The following PCDH15 variants were observed in gnomAD, a reference collection of about 807,000 sequenced individuals.
PCDH15 encodes the protein protocadherin-15.
In PCDH15, 129 loss-of-function variants were observed where a neutral mutation model predicts 178.5. That is an observed-to-expected ratio of 0.72 (90% CI 0.63 to 0.84). The LOEUF is 0.84. Ranked by LOEUF, PCDH15 falls within the 40% of genes least tolerant of loss-of-function variation. The pLI is 0.00. For synonymous variants in PCDH15, 800 were observed against 732.0 expected, an observed-to-expected ratio of 1.09 and a Z score of -1.50; for missense variants, 2,230 against 2,099.9, an observed-to-expected ratio of 1.06 and a Z score of -1.21.
chr10:54,428,950 G>T (rs1445551446), intron 3 of PCDH15, among the ~76,000 whole-genome samples: 1 of 152,152 alleles, frequency 6.6e-6, no homozygotes, highest in Non-Finnish European at 1.5e-5. Flanking sequence ...CAAAGAAAAG[G>T]TTGTTAGTGA....
At chr10:54,525,177 C>T (rs2083257199) in intron 3 of PCDH15, among the ~76,000 whole-genome samples, 1 of 152,150 alleles carries the variant, frequency 6.6e-6, no homozygotes, top group African/African-American at 2.4e-5. Flanking sequence ...TATTTAGATG[C>T]TTTGCTTTAG....
chr10:53,920,595 A>G (rs2083915089), intron 25 of PCDH15, among the ~76,000 whole-genome samples: 1 of 152,130 alleles, frequency 6.6e-6, no homozygotes, highest in Non-Finnish European at 1.5e-5. Flanking sequence ...GACTAGAAGT[A>G]GAGCGGAAAC....
chr10:55,139,051 G>A (rs1003938964), intron 2 of PCDH15, among the ~76,000 whole-genome samples: 3 of 151,866 alleles, frequency 2.0e-5, no homozygotes, highest in African/African-American at 7.2e-5. Context: ...TGTGATTTTA[G>A]TTGGCACTTC....
intron 7 of PCDH15, among the ~76,000 whole-genome samples, chr10:54,318,194 A>G (rs2061395827): frequency 6.6e-6 from 1 of 152,156 alleles, no homozygotes; most frequent in East Asian, 1.9e-4. Flanking sequence ...CGTATTTCCC[A>G]GTTTCTGTGG....
chr10:54,221,704 G>T (rs530581590), intron 9 of PCDH15, among the ~76,000 whole-genome samples: 14 of 151,992 alleles, frequency 9.2e-5, no homozygotes, highest in Non-Finnish European at 1.8e-4. Flanking sequence ...CTGAGTTGAA[G>T]CAATTCTCCC....
At chr10:55,448,114 G>T (rs1839357081) in intron 2 of PCDH15, among the ~76,000 whole-genome samples, 1 of 151,754 alleles carries the variant, frequency 6.6e-6, no homozygotes, top group Non-Finnish European at 1.5e-5. Flanking sequence ...TGATCTTAAA[G>T]AAAAAACAAC....
intron 2 of PCDH15, among the ~76,000 whole-genome samples, chr10:55,160,249 G>T (rs966933436): frequency 2.6e-5 from 4 of 151,718 alleles, no homozygotes; most frequent in African/African-American, 9.7e-5. Context: ...TGACTAGAGA[G>T]TCAGCAGTAA....
chr10:54,621,763 CAG>C (rs749764631), intron 2 of PCDH15, among the ~76,000 whole-genome samples: 17 of 151,780 alleles, frequency 1.1e-4, no homozygotes, highest in Non-Finnish European at 2.4e-4. Flanking sequence ...GGTGATTAAA[CAG>C]AGTCACGCAG....
chr10:54,802,811 T>C (rs1010933747), upstream of PCDH15, among the ~76,000 whole-genome samples: 1 of 152,150 alleles, frequency 6.6e-6, no homozygotes, highest in Non-Finnish European at 1.5e-5. Flanking sequence ...TTCAGCCTCA[T>C]TCGTGGTAAT....
intron 18 of PCDH15, among the ~76,000 whole-genome samples, chr10:54,038,773 A>G (rs9645506): frequency 0.4 from 61,415 of 151,804 alleles, 13,882 homozygotes; most frequent in Middle Eastern, 0.61. Flanking sequence ...ACAAGCCTCT[A>G]TCTTGGATTG....
intron 2 of PCDH15, among the ~76,000 whole-genome samples, chr10:55,077,745 C>G (rs965910887): frequency 5.9e-5 from 9 of 152,108 alleles, no homozygotes; most frequent in African/African-American, 2.2e-4. Flanking sequence ...CGCGGATTCA[C>G]CATGTTGGAC....
At chr10:54,973,138 T>C (rs1388027119) in intron 2 of PCDH15, among the ~76,000 whole-genome samples, 2 of 151,976 alleles carry the variant, frequency 1.3e-5, no homozygotes, top group Non-Finnish European at 2.9e-5. Flanking sequence ...TGAATAAGGA[T>C]TGGAAAAGGA....
chr10:54,140,593 G>A (rs1352833227), intron 14 of PCDH15, among the ~76,000 whole-genome samples: 24 of 151,806 alleles, frequency 1.6e-4, no homozygotes. Context: ...CTCAGCCTCA[G>A]TCCTCAGCTG....
chr10:55,250,688 C>T (rs1841813873), intron 1 of PCDH15, among the ~76,000 whole-genome samples: 1 of 151,568 alleles, frequency 6.6e-6, no homozygotes, highest in East Asian at 2.0e-4. Flanking sequence ...AGGTGCCCGC[C>T]ACCACACCCA....
intron 3 of PCDH15, among the ~76,000 whole-genome samples, chr10:54,427,268 G>GTTT (rs1956382985): frequency 3.0e-5 from 3 of 100,286 alleles, no homozygotes; most frequent in African/African-American, 1.4e-4. Flanking sequence ...CTCTTTTTCT[G>GTTT]GTTTTTTTTT....
intron 2 of PCDH15, among the ~76,000 whole-genome samples, chr10:54,539,109 G>C (rs143012419): frequency 1.4e-4 from 22 of 152,108 alleles, no homozygotes; most frequent in Non-Finnish European, 2.9e-4. Context: ...TCAGCAGTGT[G>C]CAGTTCTCCT....
At chr10:54,084,329 C>A (rs894310764) in intron 16 of PCDH15, among the ~76,000 whole-genome samples, 1 of 151,344 alleles carries the variant, frequency 6.6e-6, no homozygotes, top group African/African-American at 2.4e-5. Flanking sequence ...AAAAATTAGC[C>A]GGGTGTGGTG....
chr10:53,929,284 A>G (rs1325758767), intron 25 of PCDH15, among the ~76,000 whole-genome samples: 1 of 152,092 alleles, frequency 6.6e-6, no homozygotes, highest in African/African-American at 2.4e-5. Context: ...ATTTTATGCT[A>G]TGAGTCCACT....
intron 1 of PCDH15, among the ~76,000 whole-genome samples, chr10:55,190,729 C>A (rs907409466): frequency 5.3e-5 from 8 of 151,502 alleles, no homozygotes; most frequent in African/African-American, 1.9e-4. Flanking sequence ...CATATTGAAA[C>A]AATGTTTAGG....
Sources: gnomAD v4.1 joint callset for allele counts (sites outside exome capture counted in the v4.1 genomes callset) on GRCh38, gnomAD v4.1.1 for gene constraint, MANE v1.5 for transcripts, NCBI Gene and HGNC (gene_info 2026-07-23, HGNC 2026-07-21) for gene names.